Variants in COL4A2 observed in about 807,000 individuals in gnomAD.
The protein encoded by COL4A2 is collagen alpha-2(IV) chain.
Under a neutral mutation model 200.2 loss-of-function variants are expected in COL4A2, and 99 were observed. The ratio of observed to expected loss-of-function variants is 0.49; its 90% confidence interval spans 0.42 to 0.58. COL4A2 has a LOEUF of 0.58. Among genes scored for constraint, COL4A2 ranks in the 20% least tolerant of loss-of-function variants. COL4A2 has a pLI of 0.00. For missense variants in COL4A2, 1,950 were observed against 2,314.1 expected (o/e 0.84, Z 3.23); for synonymous variants, 897 against 900.6 (o/e 1.00, Z 0.07).
chr13:110,388,398 C>CCG (rs539756659), intron 4 of COL4A2, among the ~76,000 whole-genome samples: 9 of 152,132 alleles, frequency 5.9e-5, no homozygotes, highest in Non-Finnish European at 1.2e-4. Context: ...ACTCCTGGCA[C>CCG]CGCGGCCTCT....
At chr13:110,479,669 A>G (rs751348933) in intron 30 of COL4A2, among the ~76,000 whole-genome samples, 1 of 152,100 alleles carries the variant, frequency 6.6e-6, no homozygotes, top group Non-Finnish European at 1.5e-5. Context: ...GATTTTAGGG[A>G]CCCAGCAGGC....
chr13:110,449,205 A>G (rs763395219), intron 18 of COL4A2, among the ~76,000 whole-genome samples: 13 of 152,240 alleles, frequency 8.5e-5, no homozygotes, highest in Non-Finnish European at 1.6e-4. Context: ...AGTGTGTTCT[A>G]CAGTAAAGCG....
chr13:110,432,023 A>T (rs1302156293), intron 10 of COL4A2, among the ~76,000 whole-genome samples: 2 of 152,166 alleles, frequency 1.3e-5, no homozygotes, highest in Non-Finnish European at 2.9e-5. Context: ...AGGGCCTGGG[A>T]CCTTGCAAAG....
chr13:110,492,041 C>G (rs966758536), intron 37 of COL4A2, 29 bp from the exon 38 acceptor site: 9 of 1,540,456 alleles, frequency 5.8e-6, no homozygotes, highest in Non-Finnish European at 3.5e-6. Context: ...GTCCTGTGTG[C>G]TCAGACTTAA....
intron 3 of COL4A2, among the ~76,000 whole-genome samples, chr13:110,338,617 G>A (rs1485959383): frequency 6.6e-6 from 1 of 152,226 alleles, no homozygotes; most frequent in African/African-American, 2.4e-5. Context: ...GGTTTATCTG[G>A]AAGATTAGGG....
chr13:110,420,804 C>T (rs994574434), intron 4 of COL4A2, among the ~76,000 whole-genome samples: 2 of 152,168 alleles, frequency 1.3e-5, no homozygotes, highest in Admixed American at 6.5e-5. Flanking sequence ...TGGGGAGAAG[C>T]TCCATCCTGA....
chr13:110,360,216 G>A (rs888586899), intron 4 of COL4A2, among the ~76,000 whole-genome samples: 5 of 152,216 alleles, frequency 3.3e-5, no homozygotes, highest in East Asian at 1.9e-4. Context: ...TGTGTGGGAC[G>A]GAGTTCGTGT....
intron 20 of COL4A2, among the ~76,000 whole-genome samples, chr13:110,451,702 T>C (rs1881543628): frequency 1.3e-5 from 2 of 152,200 alleles, no homozygotes. Context: ...ATCTGGGGAT[T>C]ATGGGAACTA....
intron 15 of COL4A2, among the ~76,000 whole-genome samples, chr13:110,439,362 T>C (rs776982988): frequency 5.9e-5 from 9 of 152,244 alleles, no homozygotes; most frequent in Non-Finnish European, 1.0e-4. Flanking sequence ...ACATTTTTAG[T>C]TTTTCATTGT....
chr13:110,452,998 T>C (rs1881600100), intron 20 of COL4A2, among the ~76,000 whole-genome samples: 1 of 151,862 alleles, frequency 6.6e-6, no homozygotes, highest in Non-Finnish European at 1.5e-5. Context: ...ACTCCTGAGC[T>C]CAGGTGATCT....
At position 110,436,295 on chromosome 13, in the gene COL4A2, C is replaced by A. The variant is rs763026854; in HGVS notation, c.753C>A (p.Asn251Lys). The A allele has an allele frequency of 6.2e-7, 1 of 1,613,828 alleles. No homozygotes were observed. Among genetic ancestry groups the A allele is most frequent in the African/African-American group, 1.3e-5 (1 of 74,828 alleles). Residue 251 changes from asparagine to lysine, a missense_variant, in exon 13 of 48, where the codon AAC becomes AAA. By Grantham distance (94) the Asn-to-Lys change is moderately conservative (BLOSUM62 0). Coordinates refer to ENST00000360467, the MANE Select transcript of COL4A2 (RefSeq NM_001846.4). ...GTGACGTAGGGCAGCCGGGACCCAA[C>A]GGGATTCCATCAGACACCCTCCACC... is the stretch of plus-strand genomic sequence containing the variant. ...EKGDVGQPGPNGIPSDTLHPI... is the reference protein window; with the variant it reads ...EKGDVGQPGPKGIPSDTLHPI...
intron 7 of COL4A2, among the ~76,000 whole-genome samples, chr13:110,428,813 A>C (rs1203487148): frequency 6.6e-5 from 10 of 152,240 alleles, no homozygotes; most frequent in Non-Finnish European, 1.0e-4. Flanking sequence ...TCAGTCTCCC[A>C]AGTGTCACTT....
chr13:110,501,821 T>A (rs1246557145), intron 41 of COL4A2, 37 bp downstream of exon 41: 1 of 1,572,778 alleles, frequency 6.4e-7, no homozygotes, highest in Admixed American at 1.7e-5. Context: ...TCGACATCTC[T>A]AGGGGCAGGA....
Position 110,508,470 on chromosome 13 carries a change from G to C in COL4A2, c.4881+249G>C. 1 of 620,904 alleles carries C rather than the reference G, an allele frequency of 1.6e-6. No individual in the cohort carries two copies. The highest frequency in any genetic ancestry group is 2.8e-6 in the Non-Finnish European group (1 of 361,442). 38.5% of individuals were successfully genotyped at this position (620,904 alleles called of 1,614,324 possible). A position where few individuals can be genotyped will look rare whatever the true frequency, so the allele number is the denominator to read the frequency against. Reference sequence around the variant, plus strand: ...TTGCCACCAGGCCTTTGTAAGGAGTGTAACCAGGACGAACTTGCCTGTTAT... The same window carrying C: ...TTGCCACCAGGCCTTTGTAAGGAGTCTAACCAGGACGAACTTGCCTGTTAT... On this transcript the variant is annotated intron_variant, in intron 47 of 47. Coordinates refer to ENST00000360467, the MANE Select transcript of COL4A2 (RefSeq NM_001846.4). This position sits in a 1 kb window ranked among gnomAD's most constrained non-coding sequence, Gnocchi z 6.1.
At chr13:110,346,307 G>A (rs1265568147) in intron 3 of COL4A2, among the ~76,000 whole-genome samples, 1 of 152,138 alleles carries the variant, frequency 6.6e-6, no homozygotes, top group Admixed American at 6.5e-5. Flanking sequence ...TGATTCAAAG[G>A]AGAATTTAGC....
chr13:110,357,006 C>T (rs1351389352), intron 3 of COL4A2, among the ~76,000 whole-genome samples: 1 of 152,108 alleles, frequency 6.6e-6, no homozygotes, highest in Non-Finnish European at 1.5e-5. Context: ...CCTTGTGATC[C>T]ACCCGCCTCG....
intron 3 of COL4A2, among the ~76,000 whole-genome samples, chr13:110,325,430 C>T (rs1885381125): frequency 6.6e-6 from 1 of 152,222 alleles, no homozygotes. Flanking sequence ...AAACATCTCT[C>T]AGACAGAGTC....
intron 4 of COL4A2, among the ~76,000 whole-genome samples, chr13:110,402,995 C>T (rs1041842248): frequency 9.8e-5 from 15 of 152,290 alleles, no homozygotes; most frequent in Middle Eastern, 3.4e-3. Flanking sequence ...GCACTGCATC[C>T]GATTGCAGGG....
At chr13:110,423,013 A>G (rs1184615699) in intron 4 of COL4A2, among the ~76,000 whole-genome samples, 1 of 128,766 alleles carries the variant, frequency 7.8e-6, no homozygotes, top group East Asian at 2.4e-4. Flanking sequence ...AGGCAACAGA[A>G]GAAAAGCCTA....
Sources: gnomAD v4.1 joint callset for allele counts (sites outside exome capture counted in the v4.1 genomes callset) on GRCh38, gnomAD v4.1.1 for gene constraint, Gnocchi (gnomAD v3.1) non-coding constraint, MANE v1.5 for transcripts, NCBI Gene and HGNC (gene_info 2026-07-23, HGNC 2026-07-21) for gene names.